The following LRRTM4 variants were observed in gnomAD, a reference collection of about 807,000 sequenced individuals.
The protein encoded by LRRTM4 is leucine-rich repeat transmembrane neuronal protein 4.
Under a neutral mutation model 47.6 loss-of-function variants are expected in LRRTM4, and 25 were observed. That is an observed-to-expected ratio of 0.53 (90% CI 0.38 to 0.73). The LOEUF is 0.73. Among genes scored for constraint, LRRTM4 ranks in the 30% least tolerant of loss-of-function variants. The pLI, the probability that LRRTM4 is intolerant of heterozygous loss-of-function variation, is 0.00. For missense variants in LRRTM4, 638 were observed against 713.4 expected (o/e 0.89, Z 1.20); for synonymous variants, 311 against 269.5 (o/e 1.15, Z -1.51).
intron 3 of LRRTM4, among the ~76,000 whole-genome samples, chr2:77,069,861 C>T (rs1037777376): frequency 6.6e-6 from 1 of 152,124 alleles, no homozygotes; most frequent in Non-Finnish European, 1.5e-5. Flanking sequence ...TTATTCTTTG[C>T]CCAGCTTTTG....
chr2:76,878,416 C>A lies in LRRTM4; in HGVS notation c.1552-129500G>T, dbSNP rs143452524. ...GAGTTCAATATGTCTAACTTTAAAACAAAATGATTAAGGTTAGTGAGAAAG... is the reference window on the plus strand; with the variant it reads ...GAGTTCAATATGTCTAACTTTAAAAAAAAATGATTAAGGTTAGTGAGAAAG... On this transcript the variant is annotated intron_variant, in intron 3 of 3. Transcript: ENST00000409884. Among the ~76,000 whole-genome samples, 420 of 150,672 alleles carry A rather than the reference C, an allele frequency of 2.8e-3. 3 individuals are homozygous for A. The highest frequency in any genetic ancestry group is 9.7e-3 in the African/African-American group (397 of 40,952).
chr2:76,903,352 T>A (rs544434777), intron 3 of LRRTM4, among the ~76,000 whole-genome samples: 1 of 151,968 alleles, frequency 6.6e-6, no homozygotes, highest in Non-Finnish European at 1.5e-5. Flanking sequence ...CTGGCCAATA[T>A]GGTGAAACCC....
In LRRTM4 at chr2:76,905,549, G is replaced by A. The variant is rs541209670; in HGVS notation, c.1552-156633C>T. ...AGAAGGCTTCAGACGATCAAACTAC[G>A]AGCTACAGGAGGAAATTCAAACCAA... is the stretch of plus-strand genomic sequence containing the variant. On this transcript the variant is annotated intron_variant, in intron 3 of 3. Coordinates refer to ENST00000409884, the MANE Select transcript of LRRTM4 (RefSeq NM_001134745.3). Among the ~76,000 whole-genome samples the A allele has an allele frequency of 4.7e-3, 713 of 151,472 alleles. 8 individuals carry two copies. The highest frequency in any genetic ancestry group is 0.016 in the African/African-American group (663 of 41,430).
intron 3 of LRRTM4, among the ~76,000 whole-genome samples, chr2:77,438,964 AG>A (rs1243468615): frequency 2.6e-5 from 4 of 152,188 alleles, no homozygotes; most frequent in African/African-American, 9.6e-5. Context: ...TTAACAACAA[AG>A]GTAAACCAAG....
chr2:76,974,199 TATATATATATAC>T (rs1558771625), intron 3 of LRRTM4, among the ~76,000 whole-genome samples: 25,229 of 89,666 alleles, frequency 0.28, 3,323 homozygotes, highest in African/African-American at 0.45. Context: ...TATATATACA[TATATATATATAC>T]ACATATATAT....
At chr2:76,820,818 C>T (rs1248698814) in intron 3 of LRRTM4, among the ~76,000 whole-genome samples, 1 of 151,656 alleles carries the variant, frequency 6.6e-6, no homozygotes, top group Non-Finnish European at 1.5e-5. Context: ...TGTTATTGCA[C>T]TAATAAAATC....
chr2:77,210,181 G>A (rs1057142701), intron 3 of LRRTM4, among the ~76,000 whole-genome samples: 1 of 152,148 alleles, frequency 6.6e-6, no homozygotes, highest in Non-Finnish European at 1.5e-5. Flanking sequence ...GCAAAATAGC[G>A]TTAGCTTGTA....
rs984403690 is a variant in LRRTM4 at position 77,207,986 on chromosome 2, C to A, written c.1551+310332G>T. ...CTCTGCCTCCTGGGTTCAAGAGATT[C>A]TCCTGCCTCAGCCTCCCAAGTAGCT... On this transcript the variant is annotated intron_variant, in intron 3 of 3. Coordinates refer to ENST00000409884, the MANE Select transcript of LRRTM4 (RefSeq NM_001134745.3). 2.1e-5 allele frequency among the ~76,000 whole-genome samples: 3 copies of A among 140,484 alleles called. No homozygotes were observed. The Admixed American group carries it at 2.3e-4, about 11-fold the overall frequency. 92.2% of individuals were successfully genotyped at this position (140,484 alleles called of 152,430 possible). A position where few individuals can be genotyped will look rare whatever the true frequency, so the allele number is the denominator to read the frequency against.
chr2:76,933,774 G>T (rs1051617742), intron 3 of LRRTM4, among the ~76,000 whole-genome samples: 1 of 152,028 alleles, frequency 6.6e-6, no homozygotes, highest in Non-Finnish European at 1.5e-5. Flanking sequence ...CACAGAATTA[G>T]TATCAGAATC....
chr2:77,442,658 T>C (rs1045220987), intron 3 of LRRTM4, among the ~76,000 whole-genome samples: 1 of 152,218 alleles, frequency 6.6e-6, no homozygotes, highest in African/African-American at 2.4e-5. Context: ...ACATTTTTGG[T>C]AAAGCAACCA....
intron 3 of LRRTM4, among the ~76,000 whole-genome samples, chr2:77,166,594 G>C (rs928183730): frequency 6.6e-6 from 1 of 152,062 alleles, no homozygotes; most frequent in Non-Finnish European, 1.5e-5. Flanking sequence ...CATGGCACTG[G>C]TACCAAAACA....
intron 3 of LRRTM4, among the ~76,000 whole-genome samples, chr2:77,142,436 C>T (rs868483582): frequency 7.0e-5 from 5 of 71,324 alleles, no homozygotes; most frequent in East Asian, 1.1e-3. Flanking sequence ...CACATACACA[C>T]ACACACACAC....
intron 3 of LRRTM4, among the ~76,000 whole-genome samples, chr2:77,278,246 A>G (rs1261619995): frequency 6.6e-6 from 1 of 151,974 alleles, no homozygotes; most frequent in Non-Finnish European, 1.5e-5. Flanking sequence ...AGCCCTTTCT[A>G]TTTTTAACAG....
chr2:77,467,336 C>T (rs1677020053), intron 3 of LRRTM4, among the ~76,000 whole-genome samples: 2 of 152,114 alleles, frequency 1.3e-5, no homozygotes, highest in Admixed American at 1.3e-4. Context: ...CAGTTCCACA[C>T]ATGACATCTC....
intron 3 of LRRTM4, among the ~76,000 whole-genome samples, chr2:77,288,157 C>T (rs974071541): frequency 6.6e-6 from 1 of 151,744 alleles, no homozygotes; most frequent in Non-Finnish European, 1.5e-5. Flanking sequence ...AAATAGATTA[C>T]AATAGAGCAT....
chr2:76,893,447 TAATA>T (rs1006557197), intron 3 of LRRTM4, among the ~76,000 whole-genome samples: 1 of 151,680 alleles, frequency 6.6e-6, no homozygotes, highest in African/African-American at 2.4e-5. Context: ...ACTAAATAAA[TAATA>T]AATAATAACT....
At chr2:77,008,079 T>C (rs1677725454) in intron 3 of LRRTM4, among the ~76,000 whole-genome samples, 1 of 152,176 alleles carries the variant, frequency 6.6e-6, no homozygotes, top group Admixed American at 6.6e-5. Flanking sequence ...TAGCATCCTG[T>C]TGTTTAACCA....
intron 3 of LRRTM4, among the ~76,000 whole-genome samples, chr2:77,419,665 G>A (rs1674792291): frequency 6.6e-6 from 1 of 152,078 alleles, no homozygotes. Flanking sequence ...TACATACAGA[G>A]GGATGACTGT....
At chr2:77,164,836 C>A (rs1306164075) in intron 3 of LRRTM4, among the ~76,000 whole-genome samples, 1 of 152,154 alleles carries the variant, frequency 6.6e-6, no homozygotes, top group African/African-American at 2.4e-5. Flanking sequence ...AAATTTATAG[C>A]ACCAAATGCC....
Sources: allele counts gnomAD v4.1 joint callset (sites outside exome capture counted in the v4.1 genomes callset), GRCh38; gene constraint gnomAD v4.1.1; transcripts MANE v1.5; gene names NCBI Gene and HGNC (gene_info 2026-07-23, HGNC 2026-07-21).